The following EGFR variants were observed in gnomAD, a reference collection of about 807,000 sequenced individuals.
EGFR encodes the protein epidermal growth factor receptor, also known as avian erythroblastic leukemia viral (v-erb-b) oncogene homolog.
In EGFR, 58 loss-of-function variants were observed where a neutral mutation model predicts 143.0. The ratio of observed to expected loss-of-function variants is 0.41; its 90% CI spans 0.33 to 0.50. The LOEUF (loss-of-function observed/expected upper bound fraction) is 0.50, where lower values mean the gene tolerates loss of function less well. Among genes scored for constraint, EGFR ranks in the 20% least tolerant of loss-of-function variants. The probability of loss-of-function intolerance (pLI) is 0.39; values close to 1 mark genes in which losing one functional copy is unlikely to be tolerated. For missense variants in EGFR, 1,307 were observed against 1,579.0 expected, an observed-to-expected ratio of 0.83 and a Z score of 2.92; for synonymous variants, 613 against 594.4, an observed-to-expected ratio of 1.03 and a Z score of -0.45.
Position 55,209,179 on chromosome 7 carries a change from A to G in EGFR, c.*3562A>G, listed in dbSNP as rs989096182. The stretch of plus-strand genomic sequence containing the variant: ...CAACCCAAATCTCGGGGGCTCTTTC[A>G]TGATTCTAATGGGCAACCAGGGTTG... On this transcript the variant is annotated 3_prime_UTR_variant, in exon 28 of 28. Coordinates refer to ENST00000275493, the MANE Select transcript of EGFR (RefSeq NM_005228.5). The G allele has an allele frequency of 2.0e-5, 3 of 152,180 alleles. No homozygotes were observed. Among genetic ancestry groups the G allele is most frequent in the Non-Finnish European group, 4.4e-5 (3 of 68,054 alleles). The allele number at this position is 152,180 out of a possible 1,614,324, so 9.4% of individuals were successfully genotyped here.
At chr7:55,084,882 C>T (rs976183457) in intron 1 of EGFR, among the ~76,000 whole-genome samples, 12 of 152,134 alleles carry the variant, frequency 7.9e-5, no homozygotes, top group Non-Finnish European at 8.8e-5. Context: ...CCAGGGCTCA[C>T]CTGCTGTCTT....
intron 1 of EGFR, among the ~76,000 whole-genome samples, chr7:55,116,416 A>G (rs1196981217): frequency 3.9e-5 from 6 of 152,218 alleles, no homozygotes; most frequent in Admixed American, 3.9e-4. Context: ...ACTCCCTTCT[A>G]AAAACATGAG....
rs1270880943 is a variant in EGFR at position 55,148,215 on chromosome 7, A to G, written c.559+1475A>G. On this transcript the variant is annotated intron_variant, in intron 4 of 27. Coordinates refer to ENST00000275493, the MANE Select transcript of EGFR (RefSeq NM_005228.5). ...TGCAAAATTTCATATTATGAGATCA[A>G]GGTTAGCATTTCCTCAGCTGTCTGG... 2.0e-5 allele frequency among the ~76,000 whole-genome samples: 3 copies of G among 152,330 alleles called. No individual in the cohort carries two copies. In the East Asian group the frequency reaches 5.8e-4, roughly 29 times the overall value.
intron 13 of EGFR, 69 bp from the exon 14 acceptor site, chr7:55,163,664 A>C: frequency 7.5e-7 from 1 of 1,337,014 alleles, no homozygotes; most frequent in Non-Finnish European, 1.1e-6. Flanking sequence ...GGAATTTTGA[A>C]GAGGTGATTT....
chr7:55,198,926 A>G, intron 23 of EGFR, 63 bp downstream of exon 23: 1 of 1,602,190 alleles, frequency 6.2e-7, no homozygotes, highest in South Asian at 1.1e-5. Context: ...TCTTAGCCAA[A>G]CAGCTGAGGC....
intron 1 of EGFR, among the ~76,000 whole-genome samples, chr7:55,116,298 C>A (rs536568783): frequency 3.9e-5 from 6 of 152,208 alleles, no homozygotes; most frequent in Non-Finnish European, 8.8e-5. Flanking sequence ...CCTGTGCCCA[C>A]GCAATGCGCA....
chr7:55,055,304 A>G (rs1583923759), intron 1 of EGFR, among the ~76,000 whole-genome samples: 1 of 152,204 alleles, frequency 6.6e-6, no homozygotes, highest in East Asian at 1.9e-4. Flanking sequence ...TTCTATTACA[A>G]TCGGTCTGGG....
chr7:55,196,177 G>GGTTTTTTTTTTTTTTTT (rs1456606416), intron 22 of EGFR, among the ~76,000 whole-genome samples: 1 of 13,982 alleles, frequency 7.2e-5, no homozygotes, highest in African/African-American at 4.1e-4. Flanking sequence ...CATGTGTTGG[G>GGTTTTTTTTTTTTTTTT]ATTTTTTTTT....
At chr7:55,166,791 T>TTGA (rs1554346513) in intron 15 of EGFR, among the ~76,000 whole-genome samples, 2 of 112,306 alleles carry the variant, frequency 1.8e-5, no homozygotes, top group African/African-American at 8.4e-5. Context: ...GTTGGTGGTG[T>TTGA]TGGTGGTGGT....
chr7:55,058,813 G>T (rs1347841945), intron 1 of EGFR, among the ~76,000 whole-genome samples: 1 of 152,050 alleles, frequency 6.6e-6, no homozygotes, highest in South Asian at 2.1e-4. Flanking sequence ...TAACATACCT[G>T]CACATGTACC....
chr7:55,048,893 T>C (rs1189705826), intron 1 of EGFR, among the ~76,000 whole-genome samples: 1 of 152,194 alleles, frequency 6.6e-6, no homozygotes, highest in Non-Finnish European at 1.5e-5. Context: ...CATGTGAGTG[T>C]TGATGGCTCT....
intron 1 of EGFR, among the ~76,000 whole-genome samples, chr7:55,047,257 G>A (rs78265656): frequency 6.6e-6 from 1 of 152,192 alleles, no homozygotes; most frequent in Admixed American, 6.5e-5. Context: ...GTTACACAAG[G>A]CCAGCCCTGG....
chr7:55,199,999 C>T (rs1787775954), intron 23 of EGFR, among the ~76,000 whole-genome samples: 1 of 152,238 alleles, frequency 6.6e-6, no homozygotes. Context: ...CAGGATAGTT[C>T]ATGGAGAGCA....
intron 27 of EGFR, among the ~76,000 whole-genome samples, chr7:55,203,395 A>C (rs1471377623): frequency 6.7e-6 from 1 of 148,998 alleles, no homozygotes; most frequent in Non-Finnish European, 1.5e-5. Flanking sequence ...ACATACAGAC[A>C]CACCACACAC....
chr7:55,157,432 G>A (rs1023271499), intron 10 of EGFR, among the ~76,000 whole-genome samples: 4 of 152,250 alleles, frequency 2.6e-5, no homozygotes, highest in Non-Finnish European at 5.9e-5. Context: ...GGGGCGGCGG[G>A]AGACATGCGG....
intron 1 of EGFR, among the ~76,000 whole-genome samples, chr7:55,126,902 C>G (rs936063892): frequency 6.6e-6 from 1 of 152,134 alleles, no homozygotes; most frequent in Non-Finnish European, 1.5e-5. Context: ...AAGGATCATA[C>G]CGTAGTATGA....
At chr7:55,172,205 TCTC>T (rs1278161475) in intron 16 of EGFR, among the ~76,000 whole-genome samples, 1 of 152,164 alleles carries the variant, frequency 6.6e-6, no homozygotes, top group Non-Finnish European at 1.5e-5. Flanking sequence ...ATCTTTTTCT[TCTC>T]CTCCTGTTCA....
chr7:55,024,711 A>G (rs1190967415), intron 1 of EGFR, among the ~76,000 whole-genome samples: 4 of 152,168 alleles, frequency 2.6e-5, no homozygotes, highest in Non-Finnish European at 4.4e-5. Context: ...TTGAGCCATG[A>G]TGAGTGATTT....
intron 27 of EGFR, among the ~76,000 whole-genome samples, chr7:55,203,407 C>T (rs1055002219): frequency 7.1e-5 from 10 of 140,106 alleles, no homozygotes; most frequent in African/African-American, 1.9e-4. Context: ...ACCACACACA[C>T]GTACACACAA....
Sources: gnomAD v4.1 joint callset for allele counts (sites outside exome capture counted in the v4.1 genomes callset) on GRCh38, gnomAD v4.1.1 for gene constraint, MANE v1.5 for transcripts, NCBI Gene and HGNC (gene_info 2026-07-23, HGNC 2026-07-21) for gene names.